FAM227A: variants seen among roughly 807,000 people sequenced by gnomAD.
The protein encoded by FAM227A is protein FAM227A.
Under a neutral mutation model 74.7 loss-of-function variants are expected in FAM227A, and 80 were observed. The observed-to-expected ratio is 1.07, with a 90% CI of 0.89 to 1.29. The LOEUF (loss-of-function observed/expected upper bound fraction) is 1.29. FAM227A is among the 50% of genes most tolerant of loss of function. The pLI is 0.00. For missense variants in FAM227A, 654 were observed against 683.4 expected (o/e 0.96, Z 0.48); for synonymous variants, 237 against 241.8 (o/e 0.98, Z 0.19).
intron 1 of FAM227A, among the ~76,000 whole-genome samples, chr22:38,651,086 C>A (rs1187178418): frequency 6.6e-6 from 1 of 152,172 alleles, no homozygotes; most frequent in African/African-American, 2.4e-5. Context: ...ATGCCAGACC[C>A]GCAGAACTTC....
chr22:38,599,534 T>C (rs568750321), intron 14 of FAM227A, among the ~76,000 whole-genome samples: 3 of 152,272 alleles, frequency 2.0e-5, no homozygotes, highest in East Asian at 1.9e-4. Context: ...ACAAGGAAAT[T>C]TGACACACCC....
chr22:38,613,413 G>A (rs761334), intron 11 of FAM227A, among the ~76,000 whole-genome samples: 15 of 446 alleles, frequency 0.034, 1 homozygote, highest in Admixed American at 0.045. Flanking sequence ...TAATATATAT[G>A]ATATATATAA....
chr22:38,613,425 T>TATAATATATTATATATTATATATTATACA (rs1555960391), intron 11 of FAM227A, among the ~76,000 whole-genome samples: 1 of 5,794 alleles, frequency 1.7e-4, no homozygotes, highest in African/African-American at 3.9e-4. Context: ...TATATATAAT[T>TATAATATATTATATATTATATATTATACA]TGTTTGTTTT....
At chr22:38,653,263 A>G (rs947269007) in intron 1 of FAM227A, among the ~76,000 whole-genome samples, 1 of 152,198 alleles carries the variant, frequency 6.6e-6, no homozygotes, top group Non-Finnish European at 1.5e-5. Context: ...GTCTAGTTCC[A>G]GGAAAACAAG....
chr22:38,640,773 G>A (rs1915449981), intron 3 of FAM227A, among the ~76,000 whole-genome samples: 2 of 152,280 alleles, frequency 1.3e-5, no homozygotes, highest in South Asian at 4.1e-4. Context: ...GTGGACATGA[G>A]TGTTGGTGGC....
In FAM227A at chr22:38,582,625, C is replaced by CT; in HGVS notation, c.*3499_*3500insA. 1.4e-6 allele frequency: 1 copy of CT among 727,624 alleles called. No homozygotes were observed. Among genetic ancestry groups the CT allele is most frequent in the African/African-American group, 1.8e-5 (1 of 56,382 alleles). The allele number at this position is 727,624 out of a possible 1,614,324, so 45.1% of individuals were successfully genotyped here. On this transcript the variant is annotated 3_prime_UTR_variant, in exon 17 of 17. Transcript: ENST00000535113. ...GAGGCTACAACTCTGAGTCCTCAGT[C>CT]ATTTCTGGAAAGGGTCCATGCAGGG...
At chr22:38,596,452 A>G (rs2091046490) in intron 15 of FAM227A, among the ~76,000 whole-genome samples, 1 of 152,316 alleles carries the variant, frequency 6.6e-6, no homozygotes, top group African/African-American at 2.4e-5. Flanking sequence ...AGGCTAAGGA[A>G]GGAGGATCAC....
chr22:38,613,222 T>TAAC (rs2091474353), intron 11 of FAM227A, among the ~76,000 whole-genome samples: 8 of 58,878 alleles, frequency 1.4e-4, no homozygotes, highest in African/African-American at 5.8e-4. Context: ...CTATGCTGTA[T>TAAC]ATATATTATA....
intron 6 of FAM227A, among the ~76,000 whole-genome samples, chr22:38,635,228 CAAAAAA>C (rs34498896): frequency 3.0e-5 from 2 of 67,438 alleles, no homozygotes; most frequent in African/African-American, 1.1e-4. Context: ...GACTCTGTCT[CAAAAAA>C]AAAAAAAAAA....
chr22:38,633,850 T>C (rs1226532584), intron 6 of FAM227A, among the ~76,000 whole-genome samples: 1 of 152,200 alleles, frequency 6.6e-6, no homozygotes. Context: ...TATCATCTTA[T>C]AACCTTGTAA....
At chr22:38,647,205 C>G (rs912709172) in intron 2 of FAM227A, among the ~76,000 whole-genome samples, 1 of 151,646 alleles carries the variant, frequency 6.6e-6, no homozygotes, top group African/African-American at 2.4e-5. Context: ...TGGCTCACGC[C>G]TGTAATCTCA....
chr22:38,610,076 TTTTG>T (rs1285013602), intron 11 of FAM227A, among the ~76,000 whole-genome samples: 3 of 151,710 alleles, frequency 2.0e-5, no homozygotes, highest in South Asian at 2.1e-4. Flanking sequence ...CCCGGCCATT[TTTTG>T]TTTGTTTTTA....
intron 2 of FAM227A, 83 bp downstream of exon 2, chr22:38,649,944 C>A (rs945490381): frequency 3.2e-6 from 4 of 1,259,684 alleles, no homozygotes; most frequent in Middle Eastern, 1.9e-4. Context: ...GCATTATAGA[C>A]CTGAGCACTG....
chr22:38,605,364 T>C lies in FAM227A; in HGVS notation c.1127-16A>G. 6.8e-7 allele frequency: 1 copy of C among 1,476,750 alleles called. No individual in the cohort carries two copies. Among genetic ancestry groups the C allele is most frequent in the Non-Finnish European group, 9.3e-7 (1 of 1,079,136 alleles). The allele number at this position is 1,476,750 out of a possible 1,614,324, so 91.5% of individuals were successfully genotyped here. On this transcript the variant is annotated splice_polypyrimidine_tract_variant and intron_variant, in intron 12 of 16. Transcript: ENST00000535113. ...CAATGATGCTCTGTCAATGTGACATTAGCAAGAAAATGACCATTAGGTTCA... is the reference window on the plus strand; with the variant it reads ...CAATGATGCTCTGTCAATGTGACATCAGCAAGAAAATGACCATTAGGTTCA...
In FAM227A at chr22:38,585,857, T is replaced by C; in HGVS notation, c.*268A>G. 1.4e-6 allele frequency: 1 copy of C among 700,676 alleles called. No individual in the cohort carries two copies. The highest frequency in any genetic ancestry group is 2.3e-6 in the Non-Finnish European group (1 of 444,252). 43.4% of individuals were successfully genotyped at this position (700,676 alleles called of 1,614,324 possible). ...AAAGTTTTACCTTTGTATGAGGTCATATTTGTAACATACTTACCAGCATGC... is the reference window on the plus strand; with the variant it reads ...AAAGTTTTACCTTTGTATGAGGTCACATTTGTAACATACTTACCAGCATGC... On this transcript the variant is annotated 3_prime_UTR_variant, in exon 17 of 17. Coordinates refer to ENST00000535113, the MANE Select transcript of FAM227A (RefSeq NM_001013647.2).
At chr22:38,643,850 G>C (rs5757196) in intron 3 of FAM227A, among the ~76,000 whole-genome samples, 44,766 of 151,950 alleles carry the variant, frequency 0.29, 6,677 homozygotes, top group East Asian at 0.36. Context: ...AAGATGGGTT[G>C]TTCCCAGAGG....
chr22:38,636,988 G>A (rs868459984), intron 5 of FAM227A, among the ~76,000 whole-genome samples: 7 of 151,838 alleles, frequency 4.6e-5, no homozygotes, highest in Admixed American at 6.6e-5. Context: ...CTGTTGGCCA[G>A]GCTGGTCTTG....
chr22:38,646,248 C>CTTTTTTTTTTTTTTT lies in FAM227A; in HGVS notation c.143-618_143-604dup, dbSNP rs1165890437. On this transcript the variant is annotated intron_variant, in intron 2 of 16. Coordinates refer to ENST00000535113, the MANE Select transcript of FAM227A (RefSeq NM_001013647.2). ...CTTGGGAATTTTCCTTCCAGTATTT[C>CTTTTTTTTTTTTTTT]TTTTTTTTTTTTTTTTTTTTTTTTT... 6.1e-5 allele frequency among the ~76,000 whole-genome samples: 5 copies of CTTTTTTTTTTTTTTT among 82,394 alleles called. 1 individual carries two copies. Among genetic ancestry groups the CTTTTTTTTTTTTTTT allele is most frequent in the African/African-American group, 1.6e-4 (3 of 19,012 alleles). The allele number at this position is 82,394 out of a possible 152,430, so 54.1% of individuals were successfully genotyped here.
At chr22:38,641,590 T>A (rs1019560843) in intron 3 of FAM227A, among the ~76,000 whole-genome samples, 4 of 150,118 alleles carry the variant, frequency 2.7e-5, no homozygotes, top group Non-Finnish European at 4.4e-5. Flanking sequence ...GAGAAAAACC[T>A]GCAGGCGAAC....
Sources: allele counts gnomAD v4.1 joint callset (sites outside exome capture counted in the v4.1 genomes callset), GRCh38; gene constraint gnomAD v4.1.1; transcripts MANE v1.5; gene names NCBI Gene and HGNC (gene_info 2026-07-23, HGNC 2026-07-21).